CLIP1: variants seen among roughly 807,000 people sequenced by gnomAD.
CLIP1 encodes CAP-Gly domain-containing linker protein 1.
A neutral mutation model predicts 161.6 loss-of-function variants in CLIP1; 66 were observed. The observed-to-expected ratio is 0.41, with a 90% CI of 0.33 to 0.50. The LOEUF (loss-of-function observed/expected upper bound fraction) is 0.50. Among genes scored for constraint, CLIP1 ranks in the 20% least tolerant of loss-of-function variants. CLIP1 has a pLI of 0.27. For missense variants in CLIP1, 1,376 were observed against 1,702.0 expected (o/e 0.81, Z 3.37); for synonymous variants, 598 against 626.2 (o/e 0.96, Z 0.67).
At chr12:122,278,479 G>A (rs1566068876) in intron 23 of CLIP1, 3 of 543,692 alleles carry the variant, frequency 5.5e-6, no homozygotes, top group East Asian at 3.0e-5. Context: ...AATGTACAGA[G>A]GCAATCCACC....
At chr12:122,298,996 C>T (rs181486535) in intron 20 of CLIP1, among the ~76,000 whole-genome samples, 3 of 152,028 alleles carry the variant, frequency 2.0e-5, no homozygotes, top group African/African-American at 7.2e-5. Flanking sequence ...GGCTACAGGG[C>T]GGGGGTATCG....
At chr12:122,397,828 G>A (rs189744227) in intron 1 of CLIP1, among the ~76,000 whole-genome samples, 3 of 151,844 alleles carry the variant, frequency 2.0e-5, no homozygotes, top group African/African-American at 4.8e-5. Flanking sequence ...GGAGGCGCAT[G>A]CCTGTAATCC....
chr12:122,288,652 TCCTCAAC>T, intron 20 of CLIP1, 111 bp from the exon 21 acceptor site: 6 of 812,014 alleles, frequency 7.4e-6, no homozygotes, highest in Non-Finnish European at 1.2e-5. Context: ...CCATTGGCTT[TCCTCAAC>T]AGCAATGAAG....
intron 1 of CLIP1, chr12:122,399,232 T>C (rs2137062206): frequency 6.6e-6 from 1 of 152,358 alleles, no homozygotes; most frequent in African/African-American, 2.4e-5. Flanking sequence ...CGGCTCAGTA[T>C]TCCCAACTTC....
intron 1 of CLIP1, among the ~76,000 whole-genome samples, chr12:122,390,977 T>C (rs147911794): frequency 0.013 from 1,933 of 152,124 alleles, 42 homozygotes; most frequent in African/African-American, 0.039. Context: ...CAATCACTTC[T>C]CTTCCTGCTC....
intron 20 of CLIP1, among the ~76,000 whole-genome samples, chr12:122,289,843 T>C (rs1347559829): frequency 1.3e-5 from 2 of 151,392 alleles, no homozygotes; most frequent in African/African-American, 4.9e-5. Flanking sequence ...AGAGTCTTGC[T>C]CTGTTGCCCA....
At chr12:122,390,279 C>CATATATATATATATATATATACATATAT (rs1955578818) in intron 1 of CLIP1, among the ~76,000 whole-genome samples, 1 of 78,984 alleles carries the variant, frequency 1.3e-5, no homozygotes, top group African/African-American at 3.8e-5. Flanking sequence ...TATATATATA[C>CATATATATATATATATATATACATATAT]ATATATATAT....
At chr12:122,307,746 C>T (rs1487243966) in intron 20 of CLIP1, among the ~76,000 whole-genome samples, 1 of 152,120 alleles carries the variant, frequency 6.6e-6, no homozygotes, top group Non-Finnish European at 1.5e-5. Context: ...AAGGTGGCTT[C>T]TAAGTTACTT....
At chr12:122,414,281 G>C (rs1302877792) in intron 1 of CLIP1, among the ~76,000 whole-genome samples, 1 of 151,950 alleles carries the variant, frequency 6.6e-6, no homozygotes, top group Non-Finnish European at 1.5e-5. Context: ...CCAAGTAGGT[G>C]GGACTACAGG....
chr12:122,346,709 G>T (rs1293657011), intron 10 of CLIP1, among the ~76,000 whole-genome samples: 2 of 152,116 alleles, frequency 1.3e-5, no homozygotes, highest in African/African-American at 4.8e-5. Context: ...CACCATGTTG[G>T]CCAGGCTGGT....
At chr12:122,285,716 A>G (rs1427995561) in intron 21 of CLIP1, among the ~76,000 whole-genome samples, 1 of 148,884 alleles carries the variant, frequency 6.7e-6, no homozygotes, top group Non-Finnish European at 1.5e-5. Flanking sequence ...TGCTCAACTG[A>G]TCCTCCCTTT....
Position 122,327,956 on chromosome 12 carries a change from G to C in CLIP1, c.3240C>G (p.Asp1080Glu), listed in dbSNP as rs1129167. ...CTCTCGCGTCACGTACTTTGGCTTTGTCGGCTTGCTTTCTCAGCTCCTCCA... is the reference window on the plus strand; with the variant it reads ...CTCTCGCGTCACGTACTTTGGCTTTCTCGGCTTGCTTTCTCAGCTCCTCCA... ...QELEELRKQA[D>E]KAKAAQTAED... Residue 1080 changes from aspartate to glutamate, a missense_variant, in exon 17 of 26, where the codon GAC (aspartate) becomes GAG (glutamate). Coordinates refer to ENST00000620786, the MANE Select transcript of CLIP1 (RefSeq NM_001247997.2). 961,179 of 1,613,434 alleles carry C rather than the reference G, an allele frequency of 0.6. 297,620 individuals are homozygous for C. Among genetic ancestry groups the C allele is most frequent in the Non-Finnish European group, 0.63 (744,124 of 1,179,662 alleles).
chr12:122,277,290 A>C (rs1955466231), intron 24 of CLIP1: 1 of 149,120 alleles, frequency 6.7e-6, no homozygotes, highest in Non-Finnish European at 1.5e-5. Context: ...TAATTAAGTA[A>C]TTGTTTTGAG....
intron 21 of CLIP1, among the ~76,000 whole-genome samples, chr12:122,283,729 AC>A (rs1955739084): frequency 6.6e-6 from 1 of 152,048 alleles, no homozygotes; most frequent in Non-Finnish European, 1.5e-5. Flanking sequence ...TACAGGCGTG[AC>A]CCACCGCACC....
intron 1 of CLIP1, among the ~76,000 whole-genome samples, chr12:122,419,696 G>T (rs1956871819): frequency 6.6e-6 from 1 of 151,980 alleles, no homozygotes; most frequent in Non-Finnish European, 1.5e-5. Context: ...AGCACTTTGG[G>T]AGGCCGAGGT....
At chr12:122,275,640 A>ACACGCG (rs1491145821) in intron 24 of CLIP1, 6 of 86,310 alleles carry the variant, frequency 7.0e-5, no homozygotes, top group African/African-American at 2.5e-4. Flanking sequence ...ACACACACAC[A>ACACGCG]CGCGCACACA....
At chr12:122,370,413 G>A (rs1289406412) in intron 3 of CLIP1, among the ~76,000 whole-genome samples, 1 of 152,164 alleles carries the variant, frequency 6.6e-6, no homozygotes, top group Non-Finnish European at 1.5e-5. Context: ...AACTTCCGGT[G>A]CATAGCAGAC....
At chr12:122,361,976 C>T (rs1953850186) in intron 4 of CLIP1, among the ~76,000 whole-genome samples, 1 of 150,648 alleles carries the variant, frequency 6.6e-6, no homozygotes, top group South Asian at 2.1e-4. Context: ...TTTTTTGAGA[C>T]AAAGTCTCAG....
Position 122,272,555 on chromosome 12 carries a change from A to T in CLIP1, c.*320T>A, listed in dbSNP as rs1422536396. 4.4e-6 allele frequency: 1 copy of T among 226,600 alleles called. No homozygotes were observed. Among genetic ancestry groups the T allele is most frequent in the Non-Finnish European group, 8.7e-6 (1 of 114,934 alleles). The allele number at this position is 226,600 out of a possible 1,614,324, so 14.0% of individuals were successfully genotyped here. On this transcript the variant is annotated 3_prime_UTR_variant, in exon 26 of 26. Transcript: ENST00000620786. ...TAACGGCATAATTTAAAGTTACTTA[A>T]ATAAGGTATTGTGAGGGTAGGGGTT...
Sources: gnomAD v4.1 joint callset for allele counts (sites outside exome capture counted in the v4.1 genomes callset) on GRCh38, gnomAD v4.1.1 for gene constraint, MANE v1.5 for transcripts, NCBI Gene and HGNC (gene_info 2026-07-23, HGNC 2026-07-21) for gene names.